Variants in PCBP3 observed in about 807,000 individuals in gnomAD.
PCBP3 encodes the protein poly(rC)-binding protein 3.
A neutral mutation model predicts 52.7 loss-of-function variants in PCBP3; 25 were observed. The ratio of observed to expected loss-of-function variants is 0.47; its 90% CI spans 0.35 to 0.66. The LOEUF (loss-of-function observed/expected upper bound fraction) is 0.66. PCBP3 is among the 30% of genes least tolerant of loss of function. The pLI, the probability that PCBP3 is intolerant of heterozygous loss-of-function variation, is 0.01. For synonymous variants in PCBP3, 162 were observed against 183.0 expected (o/e 0.89, Z 0.93); for missense variants, 391 against 490.3 (o/e 0.80, Z 1.91).
rs1037579923 is a variant in PCBP3 at position 45,909,467 on chromosome 21, A to T, written c.452A>T (p.Lys151Met). The T allele has an allele frequency of 6.8e-6, 11 of 1,612,924 alleles. No individual in the cohort carries two copies. Among genetic ancestry groups the T allele is most frequent in the African/African-American group, 2.7e-5 (2 of 74,880 alleles). ...TCCCTGATCGGCAAAGGAGGCTCCA[A>T]GATCAAGGAGATCAGGGAGGTAACA... The part of the protein sequence containing the change: ...CGSLIGKGGS[K>M]IKEIRESTGA... The change falls in exon 10 of 18, where the codon AAG (lysine) becomes ATG (methionine). Residue 151 changes from lysine to methionine, a missense_variant. By Grantham distance (95) the Lys-to-Met change is moderately conservative. Transcript: ENST00000681687.
chr21:45,730,268 T>A (rs1170288312), intron 2 of PCBP3, among the ~76,000 whole-genome samples: 1 of 152,024 alleles, frequency 6.6e-6, no homozygotes, highest in Non-Finnish European at 1.5e-5. Flanking sequence ...TTCCATTGTG[T>A]TTTTTCTTTG....
intron 4 of PCBP3, among the ~76,000 whole-genome samples, chr21:45,790,152 A>G (rs368663134): frequency 6.6e-6 from 1 of 152,220 alleles, no homozygotes. Flanking sequence ...AAAAAAAGAA[A>G]AAGAATAGTC....
Position 45,904,555 on chromosome 21 carries a change from A to G in PCBP3, c.339+3442A>G, listed in dbSNP as rs1297315498. Among the ~76,000 whole-genome samples the G allele has an allele frequency of 1.3e-5, 2 of 152,184 alleles. No homozygotes were observed. The highest frequency in any genetic ancestry group is 2.4e-5 in the African/African-American group (1 of 41,434). The stretch of plus-strand genomic sequence containing the variant: ...TAACTACTCAGAGAGTTCTGTTATA[A>G]TGGTTTGTGTAAAATGTATTTCTCA... On this transcript the variant is annotated intron_variant, in intron 9 of 17. Coordinates refer to ENST00000681687, the MANE Select transcript of PCBP3 (RefSeq NM_001384156.1). The surrounding 1 kb of genome is among the most constrained non-coding windows in gnomAD (Gnocchi z 4.8).
intron 5 of PCBP3, among the ~76,000 whole-genome samples, chr21:45,895,989 A>C (rs1273026194): frequency 6.6e-6 from 1 of 152,186 alleles, no homozygotes; most frequent in Admixed American, 6.5e-5. Context: ...GTCAGGAGGG[A>C]GGCAGCCGTG....
intron 4 of PCBP3, among the ~76,000 whole-genome samples, chr21:45,825,272 G>A (rs1437463123): frequency 2.0e-5 from 3 of 152,218 alleles, no homozygotes; most frequent in African/African-American, 4.8e-5. Flanking sequence ...CATTCTCAGC[G>A]CCTTCCTGGG....
chr21:45,769,864 C>T (rs1391571452), intron 4 of PCBP3, among the ~76,000 whole-genome samples: 3 of 152,252 alleles, frequency 2.0e-5, no homozygotes, highest in Admixed American at 1.3e-4. Context: ...TACGGCAGCT[C>T]TGTGACTCAG....
chr21:45,735,944 A>G lies in PCBP3; in HGVS notation c.-162+515A>G, dbSNP rs549162474. On this transcript the variant is annotated intron_variant, in intron 3 of 17. Coordinates refer to ENST00000681687, the MANE Select transcript of PCBP3 (RefSeq NM_001384156.1). The surrounding 1 kb of genome is among the most constrained non-coding windows in gnomAD (Gnocchi z 4.0). ...CTGGCACCGGCCAGCACACAGAGGC[A>G]CTCACCTGTCTCACACAATGCACTG... Among the ~76,000 whole-genome samples, 26 of 152,288 alleles carry G rather than the reference A, an allele frequency of 1.7e-4. No homozygotes were observed. Among genetic ancestry groups the G allele is most frequent in the Admixed American group, 1.6e-3 (25 of 15,308 alleles).
intron 6 of PCBP3, among the ~76,000 whole-genome samples, chr21:45,899,056 CAG>C (rs1388151787): frequency 6.7e-6 from 1 of 149,360 alleles, no homozygotes; most frequent in Non-Finnish European, 1.5e-5. Flanking sequence ...CGCTGCTGGA[CAG>C]GGAGATACTG....
At chr21:45,823,632 G>A (rs1300463867) in intron 4 of PCBP3, among the ~76,000 whole-genome samples, 1 of 152,164 alleles carries the variant, frequency 6.6e-6, no homozygotes, top group Non-Finnish European at 1.5e-5. Context: ...ACGGGTTCCT[G>A]CAGGGCAGCT....
At chr21:45,675,423 T>C (rs766014581) in intron 2 of PCBP3, among the ~76,000 whole-genome samples, 1 of 152,206 alleles carries the variant, frequency 6.6e-6, no homozygotes, top group Non-Finnish European at 1.5e-5. Flanking sequence ...TGGTCTACAT[T>C]AGGCAAAGAA....
chr21:45,935,286 A>T lies in PCBP3; in HGVS notation c.890A>T (p.Glu297Val), dbSNP rs2076766871. The change falls in exon 16 of 18, where the codon GAG becomes GTG. Residue 297 changes from glutamate (E) to valine (V), a missense_variant. Coordinates refer to ENST00000681687, the MANE Select transcript of PCBP3 (RefSeq NM_001384156.1). ...GCCAGCCCACCGGCCAGCACTCATG[A>T]GCTCACCATTCCCAATGATGTGAGT... ...LDASPPASTH[E>V]LTIPNDLIGC... is the part of the protein sequence containing the mutation. 1 of 1,613,162 alleles carries T rather than the reference A, an allele frequency of 6.2e-7. No homozygotes were observed. The highest frequency in any genetic ancestry group is 2.2e-5 in the East Asian group (1 of 44,842).
intron 3 of PCBP3, among the ~76,000 whole-genome samples, chr21:45,740,853 T>G (rs1247379555): frequency 2.6e-5 from 4 of 152,144 alleles, no homozygotes; most frequent in African/African-American, 4.8e-5. Flanking sequence ...TGCCCCCACG[T>G]CTTGGGAATG....
chr21:45,822,884 T>G (rs73380607), intron 4 of PCBP3, among the ~76,000 whole-genome samples: 7,983 of 152,232 alleles, frequency 0.052, 698 homozygotes, highest in African/African-American at 0.18. Flanking sequence ...AGGAAGGGGC[T>G]ATGAGTTTGA....
At chr21:45,733,757 C>T (rs1020805892) in intron 2 of PCBP3, among the ~76,000 whole-genome samples, 5 of 152,116 alleles carry the variant, frequency 3.3e-5, no homozygotes, top group South Asian at 2.1e-4. Flanking sequence ...CCCACCACCA[C>T]GCCTGGTTAA....
chr21:45,921,231 A>G (rs2074389383), intron 13 of PCBP3, among the ~76,000 whole-genome samples: 1 of 104,976 alleles, frequency 9.5e-6, no homozygotes, highest in Non-Finnish European at 2.6e-5. Context: ...TCAATTTCTT[A>G]CTATATCAAT....
chr21:45,789,593 T>C (rs2091400964), intron 4 of PCBP3, among the ~76,000 whole-genome samples: 2 of 152,084 alleles, frequency 1.3e-5, no homozygotes, highest in Non-Finnish European at 2.9e-5. Flanking sequence ...ACGAAGGCTT[T>C]AAGGTGGAGG....
At chr21:45,663,907 A>G (rs1301385011) in intron 1 of PCBP3, among the ~76,000 whole-genome samples, 2 of 152,002 alleles carry the variant, frequency 1.3e-5, no homozygotes, top group African/African-American at 2.4e-5. Flanking sequence ...GAAAAATGAC[A>G]TTAGTGTTCT....
chr21:45,833,200 C>G (rs1238382765), intron 4 of PCBP3, among the ~76,000 whole-genome samples: 2 of 152,166 alleles, frequency 1.3e-5, no homozygotes, highest in African/African-American at 4.8e-5. Context: ...CCCCACCTCG[C>G]GGTTATTAAA....
intron 2 of PCBP3, among the ~76,000 whole-genome samples, chr21:45,715,011 G>C (rs1230867208): frequency 6.6e-6 from 1 of 152,212 alleles, no homozygotes; most frequent in Non-Finnish European, 1.5e-5. Context: ...TATTCACATA[G>C]TCAAAAACTA....
Sources: gnomAD v4.1 joint callset for allele counts (sites outside exome capture counted in the v4.1 genomes callset) on GRCh38, gnomAD v4.1.1 for gene constraint, Gnocchi (gnomAD v3.1) non-coding constraint, MANE v1.5 for transcripts, NCBI Gene and HGNC (gene_info 2026-07-23, HGNC 2026-07-21) for gene names.